LRP1B: variants seen among roughly 807,000 people sequenced by gnomAD.
The protein encoded by LRP1B is low-density lipoprotein receptor-related protein 1B.
In LRP1B, 217 loss-of-function variants were observed where a neutral mutation model predicts 556.6. The ratio of observed to expected loss-of-function variants is 0.39; its 90% CI spans 0.35 to 0.44. The LOEUF (loss-of-function observed/expected upper bound fraction) is 0.44. LRP1B is among the 20% of genes least tolerant of loss of function. LRP1B has a pLI of 1.00. For missense variants in LRP1B, 5,053 were observed against 5,620.8 expected (o/e 0.90, Z 3.23); for synonymous variants, 2,047 against 1,865.8 (o/e 1.10, Z -2.50).
At chr2:140,907,781 A>G in intron 22 of LRP1B, 96 bp downstream of exon 22, 1 of 1,038,532 alleles carries the variant, frequency 9.6e-7, no homozygotes, top group Non-Finnish European at 1.5e-6. Context: ...AAAGGGAATG[A>G]ATGAAAGGAA....
In LRP1B at chr2:140,430,867, C is replaced by A. The variant is rs376761399; in HGVS notation, c.10414+11637G>T. On this transcript the variant is annotated intron_variant, in intron 66 of 90. Coordinates refer to ENST00000389484, the MANE Select transcript of LRP1B (RefSeq NM_018557.3). ...CCTCAGGGATTGTTCAGGTCTTCTC[C>A]CTTTCCTACACATCAAGCTCGGGGA... Among the ~76,000 whole-genome samples the A allele has an allele frequency of 5.9e-5, 9 of 152,282 alleles. No homozygotes were observed. In the East Asian group the frequency reaches 1.4e-3, roughly 23 times the overall value.
chr2:142,060,200 G>T (rs1424751635), intron 1 of LRP1B, among the ~76,000 whole-genome samples: 1 of 152,034 alleles, frequency 6.6e-6, no homozygotes, highest in South Asian at 2.1e-4. Context: ...GCATATATTT[G>T]AAATGAATGG....
intron 60 of LRP1B, among the ~76,000 whole-genome samples, chr2:140,466,089 G>A (rs116701667): frequency 0.042 from 6,298 of 149,976 alleles, 172 homozygotes; most frequent in Non-Finnish European, 0.049. Context: ...GTCGGGGGGT[G>A]GGAAGTATTA....
Position 140,314,988 on chromosome 2 carries a change from T to C in LRP1B, c.12752A>G (p.Asn4251Ser), listed in dbSNP as rs374934851. 87 of 1,611,542 alleles carry C rather than the reference T, an allele frequency of 5.4e-5. No individual in the cohort carries two copies. The Admixed American group carries it at 1.0e-3, about 19-fold the overall frequency. ...ATTCTGGCAGTAGTTGCTACAGTGG[T>C]TGACTTCACATCTTTCTCCTGAATA... Reference protein sequence around the residue: ...PSYSGERCEVNHCSNYCQNGG... With the variant: ...PSYSGERCEVSHCSNYCQNGG... Residue 4251 changes from asparagine to serine, a missense_variant, in exon 83 of 91, where the codon AAC becomes AGC. Physicochemically the swap from Asn to Ser is conservative, Grantham distance 46. This residue lies in a region of LRP1B where 551 missense variants were observed against 592.0 expected (regional missense o/e 0.93). Transcript: ENST00000389484.
At position 142,115,684 on chromosome 2, in the gene LRP1B, A is replaced by T. The variant is rs12620868; in HGVS notation, c.82+14964T>A. ...TAATATATATATGTAATATATATAT[A>T]ATATATATGTAATATATATATAATA... On this transcript the variant is annotated intron_variant, in intron 1 of 90. Coordinates refer to ENST00000389484, the MANE Select transcript of LRP1B (RefSeq NM_018557.3). Among the ~76,000 whole-genome samples, 54 of 8,074 alleles carry T rather than the reference A, an allele frequency of 6.7e-3. 14 individuals carry two copies. The highest frequency in any genetic ancestry group is 0.021 in the African/African-American group (51 of 2,398). 5.3% of individuals were successfully genotyped at this position (8,074 alleles called of 152,430 possible).
At chr2:140,484,297 T>C (rs1169411727) in intron 59 of LRP1B, among the ~76,000 whole-genome samples, 1 of 152,136 alleles carries the variant, frequency 6.6e-6, no homozygotes, top group Admixed American at 6.6e-5. Context: ...CTATAAAATA[T>C]ACTATGACAT....
Position 141,334,987 on chromosome 2 carries a change from T to C in LRP1B, c.344-80346A>G, listed in dbSNP as rs116859238. 2.4e-3 allele frequency among the ~76,000 whole-genome samples: 369 copies of C among 152,360 alleles called. 10 individuals carry two copies. In the East Asian group the frequency reaches 0.056, roughly 23 times the overall value. ...AATAGCTTTCTATCATATCTTATAC[T>C]TTTTTCAGTTAACTCATTGTTGATT... On this transcript the variant is annotated intron_variant, in intron 3 of 90. Transcript: ENST00000389484.
At chr2:140,481,948 A>C (rs1263384575) in intron 59 of LRP1B, among the ~76,000 whole-genome samples, 1 of 152,150 alleles carries the variant, frequency 6.6e-6, no homozygotes, top group Non-Finnish European at 1.5e-5. Context: ...GCCAAAAAAT[A>C]TCTCTTGCCC....
intron 3 of LRP1B, among the ~76,000 whole-genome samples, chr2:141,395,364 T>A (rs543477745): frequency 6.6e-6 from 1 of 152,240 alleles, no homozygotes; most frequent in South Asian, 2.1e-4. Context: ...GATACACAAG[T>A]TCTTATTATT....
At chr2:140,489,460 G>T (rs1688609093) in intron 57 of LRP1B, among the ~76,000 whole-genome samples, 1 of 152,064 alleles carries the variant, frequency 6.6e-6, no homozygotes, top group Admixed American at 6.6e-5. Flanking sequence ...TTCAGTCACA[G>T]ATTCAAAAGA....
At chr2:140,511,509 G>A (rs1025059415) in intron 51 of LRP1B, among the ~76,000 whole-genome samples, 14 of 152,014 alleles carry the variant, frequency 9.2e-5, no homozygotes, top group Admixed American at 3.3e-4. Context: ...CACTGTGTTA[G>A]CCAGAATGGT....
chr2:141,248,820 G>GA (rs1240487613), intron 4 of LRP1B, among the ~76,000 whole-genome samples: 1 of 152,092 alleles, frequency 6.6e-6, no homozygotes, highest in Non-Finnish European at 1.5e-5. Context: ...AAGGATCCTA[G>GA]AAAATTAGAT....
In LRP1B at chr2:141,019,985, C is replaced by T. The variant is rs77234491; in HGVS notation, c.1907G>A (p.Arg636Gln). The T allele has an allele frequency of 2.5e-3, 3,969 of 1,611,344 alleles. 8 individuals carry two copies. Among genetic ancestry groups the T allele is most frequent in the Admixed American group, 3.5e-3 (209 of 59,874 alleles). Residue 636 changes from arginine (R) to glutamine (Q), a missense_variant, in exon 12 of 91, where the codon CGG (arginine) becomes CAG (glutamine). Coordinates refer to ENST00000389484, the MANE Select transcript of LRP1B (RefSeq NM_018557.3). ...VARLEKASQS[R>Q]KTLLEGEMSH... ...CATTTCACCCTCTAAAAGAGTCTTCCGACTCTGAGAAGCTTTTTCCAGCCT... is the reference window on the plus strand; with the variant it reads ...CATTTCACCCTCTAAAAGAGTCTTCTGACTCTGAGAAGCTTTTTCCAGCCT...
chr2:141,690,229 A>G (rs1269766450), intron 2 of LRP1B, among the ~76,000 whole-genome samples: 1 of 150,984 alleles, frequency 6.6e-6, no homozygotes, highest in Non-Finnish European at 1.5e-5. Flanking sequence ...CTAAAATTAT[A>G]TTGAATTTTA....
intron 60 of LRP1B, among the ~76,000 whole-genome samples, chr2:140,463,410 A>T (rs536912488): frequency 6.6e-6 from 1 of 152,330 alleles, no homozygotes; most frequent in East Asian, 1.9e-4. Flanking sequence ...ACCATTTAAA[A>T]AAATTATTTC....
intron 2 of LRP1B, among the ~76,000 whole-genome samples, chr2:141,540,781 A>G (rs1218136384): frequency 1.3e-5 from 2 of 152,014 alleles, no homozygotes; most frequent in African/African-American, 4.8e-5. Flanking sequence ...TGGATTCCTT[A>G]TACCTTTTCC....
intron 2 of LRP1B, among the ~76,000 whole-genome samples, chr2:141,800,792 A>G (rs537880677): frequency 4.6e-5 from 7 of 152,346 alleles, no homozygotes; most frequent in African/African-American, 1.7e-4. Flanking sequence ...GGCACATGAA[A>G]AGGTATGGAA....
At chr2:141,744,572 A>G (rs1025316329) in intron 2 of LRP1B, among the ~76,000 whole-genome samples, 2 of 152,162 alleles carry the variant, frequency 1.3e-5, no homozygotes, top group Non-Finnish European at 2.9e-5. Flanking sequence ...TATCTGTCCA[A>G]TGCTGAAAGT....
chr2:140,410,159 CAT>C (rs984205641), intron 66 of LRP1B, among the ~76,000 whole-genome samples: 2 of 151,828 alleles, frequency 1.3e-5, no homozygotes, highest in African/African-American at 4.8e-5. Context: ...CATTATCTGA[CAT>C]ATTTTAACCT....
Sources: allele counts gnomAD v4.1 joint callset (sites outside exome capture counted in the v4.1 genomes callset), GRCh38; gene constraint gnomAD v4.1.1; regional missense constraint gnomAD v4.1.1; transcripts MANE v1.5; gene names NCBI Gene and HGNC (gene_info 2026-07-23, HGNC 2026-07-21).